Variants in LTBP1 observed in about 807,000 individuals in gnomAD.
The protein encoded by LTBP1 is latent-transforming growth factor beta-binding protein 1.
A neutral mutation model predicts 207.6 loss-of-function variants in LTBP1; 129 were observed. The observed-to-expected ratio is 0.62, with a 90% CI of 0.54 to 0.72. The LOEUF (loss-of-function observed/expected upper bound fraction) is 0.72, where lower values mean the gene tolerates loss of function less well. Among genes scored for constraint, LTBP1 ranks in the 30% least tolerant of loss-of-function variants. The pLI, the probability that LTBP1 is intolerant of heterozygous loss-of-function variation, is 0.00. For synonymous variants in LTBP1, 963 were observed against 833.7 expected (o/e 1.16, Z -2.67); for missense variants, 2,281 against 2,217.2 (o/e 1.03, Z -0.58).
At chr2:33,024,036 C>T (rs922806519) in intron 3 of LTBP1, among the ~76,000 whole-genome samples, 20 of 152,140 alleles carry the variant, frequency 1.3e-4, no homozygotes, top group South Asian at 6.2e-4. Context: ...TTTAGTGTTA[C>T]GTTCATTGTG....
intron 2 of LTBP1, among the ~76,000 whole-genome samples, chr2:33,010,325 G>A (rs559736335): frequency 6.6e-6 from 1 of 152,342 alleles, no homozygotes; most frequent in Non-Finnish European, 1.5e-5. Context: ...ATTATCCAGT[G>A]TCATTAAAAA....
chr2:33,181,996 T>C (rs561573809), intron 5 of LTBP1, among the ~76,000 whole-genome samples: 62 of 152,338 alleles, frequency 4.1e-4, no homozygotes, highest in Admixed American at 3.1e-3. Flanking sequence ...CCACAAAGGG[T>C]TCAATACATA....
At chr2:33,391,569 A>T (rs1272481813) in intron 32 of LTBP1, among the ~76,000 whole-genome samples, 4 of 152,058 alleles carry the variant, frequency 2.6e-5, no homozygotes, top group Non-Finnish European at 2.9e-5. Context: ...TCCTCCCTAG[A>T]CCTCCTCAAT....
intron 19 of LTBP1, among the ~76,000 whole-genome samples, chr2:33,283,061 C>CA (rs201168175): frequency 0.075 from 3,604 of 47,882 alleles, 250 homozygotes; most frequent in East Asian, 0.18. Flanking sequence ...GACTCCATCT[C>CA]AAAAAAAAAA....
At chr2:32,998,913 T>C (rs1685691958) in intron 2 of LTBP1, among the ~76,000 whole-genome samples, 1 of 152,240 alleles carries the variant, frequency 6.6e-6, no homozygotes, top group Non-Finnish European at 1.5e-5. Flanking sequence ...TCCTGGTATT[T>C]TGTTATAGCA....
At chr2:33,172,093 C>T (rs1185985566) in intron 5 of LTBP1, among the ~76,000 whole-genome samples, 1 of 152,160 alleles carries the variant, frequency 6.6e-6, no homozygotes, top group East Asian at 1.9e-4. Flanking sequence ...GAAGAAACTG[C>T]ATCAACTAAC....
chr2:32,994,102 TAGC>T (rs768544145), intron 2 of LTBP1, among the ~76,000 whole-genome samples: 66 of 152,086 alleles, frequency 4.3e-4, no homozygotes, highest in Non-Finnish European at 6.6e-4. Context: ...CGTCATTTAT[TAGC>T]AGATCTTTCT....
At chr2:33,004,310 T>C (rs1159849704) in intron 2 of LTBP1, among the ~76,000 whole-genome samples, 1 of 152,094 alleles carries the variant, frequency 6.6e-6, no homozygotes, top group East Asian at 1.9e-4. Flanking sequence ...GACTTAAGCT[T>C]TGGCCACACT....
At chr2:33,190,754 T>C (rs1377969271) in intron 7 of LTBP1, among the ~76,000 whole-genome samples, 1 of 152,104 alleles carries the variant, frequency 6.6e-6, no homozygotes, top group Non-Finnish European at 1.5e-5. Flanking sequence ...CTATGACTGT[T>C]TTTATATCAT....
At chr2:33,263,111 C>T (rs192928182) in intron 14 of LTBP1, among the ~76,000 whole-genome samples, 183 bp from the exon 15 acceptor site, 23 of 151,986 alleles carry the variant, frequency 1.5e-4, no homozygotes, top group Admixed American at 7.9e-4. Flanking sequence ...TCTTGGCTTC[C>T]GCATCACTCT....
Position 33,134,131 on chromosome 2 carries a change from C to T in LTBP1, c.1034-662C>T, listed in dbSNP as rs1026862317. Among the ~76,000 whole-genome samples the T allele has an allele frequency of 2.2e-4, 34 of 152,230 alleles. No homozygotes were observed. The highest frequency in any genetic ancestry group is 7.2e-4 in the African/African-American group (30 of 41,544). On this transcript the variant is annotated intron_variant, in intron 4 of 33. Transcript: ENST00000404816. The surrounding 1 kb of genome is among the most constrained non-coding windows in gnomAD (Gnocchi z 4.4). ...GGCTTACCCCTTTAAAGATGGGCCCCGTTCACAGGAAAACAAAATATATGT... is the reference window on the plus strand; with the variant it reads ...GGCTTACCCCTTTAAAGATGGGCCCTGTTCACAGGAAAACAAAATATATGT...
intron 3 of LTBP1, among the ~76,000 whole-genome samples, chr2:33,031,038 T>C (rs1377976439): frequency 1.3e-5 from 2 of 152,238 alleles, no homozygotes; most frequent in African/African-American, 2.4e-5. Context: ...TTTTATCAAA[T>C]ATTTAAGAAT....
At chr2:33,071,741 C>T (rs2077800699) in intron 3 of LTBP1, among the ~76,000 whole-genome samples, 1 of 152,198 alleles carries the variant, frequency 6.6e-6, no homozygotes, top group South Asian at 2.1e-4. Context: ...GCCATATCAT[C>T]ACACGTGGGA....
At chr2:33,278,931 A>G (rs1236592491) in intron 18 of LTBP1, among the ~76,000 whole-genome samples, 2 of 152,162 alleles carry the variant, frequency 1.3e-5, no homozygotes, top group Non-Finnish European at 2.9e-5. Flanking sequence ...TAACTTTTTC[A>G]CTTTAAGTAT....
chr2:33,185,906 A>G (rs2087141856), intron 5 of LTBP1, among the ~76,000 whole-genome samples: 3 of 152,204 alleles, frequency 2.0e-5, no homozygotes, highest in South Asian at 2.1e-4. Context: ...GGCTTTTATT[A>G]TAATATTCTT....
chr2:33,209,443 A>C (rs956751414), intron 7 of LTBP1, among the ~76,000 whole-genome samples: 1 of 152,164 alleles, frequency 6.6e-6, no homozygotes, highest in Non-Finnish European at 1.5e-5. Context: ...GATGTCCCCA[A>C]AGTGAAATCA....
At chr2:33,012,138 G>T in intron 2 of LTBP1, among the ~76,000 whole-genome samples, 1 of 152,214 alleles carries the variant, frequency 6.6e-6, no homozygotes, top group Non-Finnish European at 1.5e-5. Context: ...CATCATCTCT[G>T]TTTCCAGTTC....
intron 2 of LTBP1, among the ~76,000 whole-genome samples, chr2:33,012,096 G>A (rs1366557247): frequency 6.6e-6 from 1 of 152,192 alleles, no homozygotes; most frequent in Non-Finnish European, 1.5e-5. Flanking sequence ...TGGCTGGGTT[G>A]TGAATGCCAA....
intron 2 of LTBP1, among the ~76,000 whole-genome samples, chr2:32,960,117 C>G (rs1284363468): frequency 6.6e-6 from 1 of 152,148 alleles, no homozygotes; most frequent in East Asian, 1.9e-4. Context: ...GAGGATACTC[C>G]TGCCTCTTCA....
Sources: allele counts gnomAD v4.1 joint callset (sites outside exome capture counted in the v4.1 genomes callset), GRCh38; gene constraint gnomAD v4.1.1; non-coding constraint Gnocchi (gnomAD v3.1); transcripts MANE v1.5; gene names NCBI Gene and HGNC (gene_info 2026-07-23, HGNC 2026-07-21).